The following PDE3B variants were observed in gnomAD, a reference collection of about 807,000 sequenced individuals.
The protein encoded by PDE3B is phosphodiesterase 3B, also known as cGMP-inhibited 3',5'-cyclic phosphodiesterase 3B.
Under a neutral mutation model 116.8 loss-of-function variants are expected in PDE3B, and 66 were observed. That is an observed-to-expected ratio of 0.56 (90% CI 0.46 to 0.69). PDE3B has a LOEUF of 0.69. Ranked by LOEUF, PDE3B falls within the 30% of genes least tolerant of loss-of-function variation. The pLI is 0.00. For synonymous variants in PDE3B, 595 were observed against 533.6 expected, an observed-to-expected ratio of 1.12 and a Z score of -1.59; for missense variants, 1,384 against 1,368.1, an observed-to-expected ratio of 1.01 and a Z score of -0.18.
intron 1 of PDE3B, among the ~76,000 whole-genome samples, chr11:14,734,997 G>T (rs1356608776): frequency 1.3e-5 from 2 of 152,008 alleles, no homozygotes; most frequent in African/African-American, 4.8e-5. Context: ...ATTGCATGCG[G>T]TTATGTCTCT....
the PDE3B span, chr11:14,877,893 G>T: frequency 5.9e-6 from 3 of 512,718 alleles, no homozygotes; most frequent in Non-Finnish European, 1.0e-5. Context: ...CCCATCATTT[G>T]CACCTTTGTG....
intron 1 of PDE3B, among the ~76,000 whole-genome samples, chr11:14,645,522 T>G (rs1184293349): frequency 6.6e-6 from 1 of 152,246 alleles, no homozygotes; most frequent in Non-Finnish European, 1.5e-5. Context: ...ATCAGTGTGG[T>G]TTCGTTATTG....
chr11:14,891,690 G>T, the PDE3B span: 1 of 1,202,112 alleles, frequency 8.3e-7, no homozygotes, highest in South Asian at 2.2e-5. Context: ...AAACGGCGCA[G>T]GCGCAGGAGC....
intron 12 of PDE3B, among the ~76,000 whole-genome samples, chr11:14,849,184 A>C (rs1464177928): frequency 1.0e-3 from 143 of 143,614 alleles, no homozygotes; most frequent in South Asian, 2.5e-3. Flanking sequence ...ATAACGCTGC[A>C]TATCTACAAC....
the PDE3B span, chr11:14,879,348 G>A: frequency 1.2e-6 from 2 of 1,612,338 alleles, no homozygotes; most frequent in Non-Finnish European, 1.7e-6. Context: ...AAAACTTCAT[G>A]CAAAACTGCC....
At chr11:14,678,119 G>T (rs1475392311) in intron 1 of PDE3B, among the ~76,000 whole-genome samples, 2 of 152,046 alleles carry the variant, frequency 1.3e-5, no homozygotes, top group Non-Finnish European at 1.5e-5. Context: ...AGTAGAGATG[G>T]GGCTTTGCCA....
the PDE3B span, chr11:14,878,040 A>C: frequency 4.1e-6 from 6 of 1,454,794 alleles, no homozygotes; most frequent in South Asian, 7.3e-5. Flanking sequence ...CTTTTATTCT[A>C]ATACACACAT....
intron 7 of PDE3B, among the ~76,000 whole-genome samples, chr11:14,828,422 C>T (rs1183868780): frequency 6.6e-6 from 1 of 152,134 alleles, no homozygotes; most frequent in Non-Finnish European, 1.5e-5. Flanking sequence ...AACTATGCAT[C>T]TGATAAAGGC....
chr11:14,644,585 G>A lies in PDE3B; in HGVS notation c.510G>A (p.Gln170=), dbSNP rs907488337. 14 of 1,580,666 alleles carry A rather than the reference G, an allele frequency of 8.9e-6. No homozygotes were observed. The highest frequency in any genetic ancestry group is 4.6e-5 in the South Asian group (4 of 87,170). The change falls in exon 1 of 16, where the codon CAG becomes CAA. Residue 170 remains glutamine (Q), a synonymous_variant. Coordinates refer to ENST00000282096, the MANE Select transcript of PDE3B (RefSeq NM_000922.4). ...CCYLGDFLVW[Q]WWSWPWGDGD... is the part of the protein sequence containing the mutation. Reference sequence around the variant, plus strand: ...ACCTGGGGGACTTCTTGGTGTGGCAGTGGTGGTCTTGGCCTTGGGGGGATG... The same window carrying A: ...ACCTGGGGGACTTCTTGGTGTGGCAATGGTGGTCTTGGCCTTGGGGGGATG...
rs768898277 is a variant in PDE3B at position 14,832,792 on chromosome 11, A to C, written c.2165A>C (p.Asn722Thr). Reference sequence around the variant, plus strand: ...AAAATTCCCACTCAACAATTTATGAACTATTTTCGTGCATTAGAAAATGGC... The same window carrying C: ...AAAATTCCCACTCAACAATTTATGACCTATTTTCGTGCATTAGAAAATGGC... ...IFKIPTQQFMNYFRALENGYR... is the reference protein window; with the variant it reads ...IFKIPTQQFMTYFRALENGYR... Residue 722 changes from asparagine (N) to threonine (T), a missense_variant, in exon 10 of 16, where the codon AAC (asparagine) becomes ACC (threonine). By Grantham distance (65) the Asn-to-Thr change is moderately conservative. Transcript: ENST00000282096. The C allele has an allele frequency of 2.6e-6, 4 of 1,541,334 alleles. No individual in the cohort carries two copies.
intron 5 of PDE3B, among the ~76,000 whole-genome samples, chr11:14,811,209 T>A (rs1362228000): frequency 6.6e-6 from 1 of 152,078 alleles, no homozygotes; most frequent in Non-Finnish European, 1.5e-5. Context: ...TTTGTTGCCA[T>A]TGCTTTTGGT....
chr11:14,709,752 G>GT (rs1265612277), intron 1 of PDE3B, among the ~76,000 whole-genome samples: 2 of 151,940 alleles, frequency 1.3e-5, no homozygotes, highest in Admixed American at 6.6e-5. Context: ...ACTCTTATAC[G>GT]TTTTTTGTCA....
At chr11:14,893,094 C>T in the PDE3B span, among the ~76,000 whole-genome samples, 1 of 152,178 alleles carries the variant, frequency 6.6e-6, no homozygotes, top group African/African-American at 2.4e-5. Flanking sequence ...GTTTTATGGT[C>T]CTCATTAGCT....
At chr11:14,687,159 G>A (rs1229039237) in intron 1 of PDE3B, among the ~76,000 whole-genome samples, 6 of 152,096 alleles carry the variant, frequency 3.9e-5, no homozygotes, top group Admixed American at 6.5e-5. Flanking sequence ...TGAATTAGCC[G>A]AACAATTTGA....
chr11:14,823,572 G>C (rs1859587451), intron 7 of PDE3B, among the ~76,000 whole-genome samples: 1 of 152,026 alleles, frequency 6.6e-6, no homozygotes, highest in African/African-American at 2.4e-5. Flanking sequence ...TCCTCACTGG[G>C]TGGGACCTCC....
In PDE3B at chr11:14,869,416, A is replaced by C; in HGVS notation, c.3140-45A>C. 2.0e-6 allele frequency: 3 copies of C among 1,532,870 alleles called. No individual in the cohort carries two copies. In the South Asian group the frequency reaches 3.5e-5, roughly 18 times the overall value. 95.0% of individuals were successfully genotyped at this position (1,532,870 alleles called of 1,614,324 possible). A position where few individuals can be genotyped will look rare whatever the true frequency, so the allele number is the denominator to read the frequency against. The stretch of plus-strand genomic sequence containing the variant: ...GCACTTAATATTTGTTGAATGATTA[A>C]ATCATATTGCTATGATTAGAATATA... On this transcript the variant is annotated intron_variant, in intron 15 of 15. Coordinates refer to ENST00000282096, the MANE Select transcript of PDE3B (RefSeq NM_000922.4).
intron 12 of PDE3B, among the ~76,000 whole-genome samples, chr11:14,847,828 A>T (rs964203641): frequency 1.3e-5 from 2 of 152,180 alleles, no homozygotes; most frequent in Non-Finnish European, 2.9e-5. Flanking sequence ...ACAGGCTCTG[A>T]AATTGTGGCA....
In PDE3B at chr11:14,869,768, C is replaced by T. The variant is rs1352085162; in HGVS notation, c.*108C>T. The T allele has an allele frequency of 1.2e-6, 1 of 845,302 alleles. No individual in the cohort carries two copies. The highest frequency in any genetic ancestry group is 1.9e-6 in the Non-Finnish European group (1 of 538,832). The allele number at this position is 845,302 out of a possible 1,614,324, so 52.4% of individuals were successfully genotyped here. On this transcript the variant is annotated 3_prime_UTR_variant, in exon 16 of 16. Coordinates refer to ENST00000282096, the MANE Select transcript of PDE3B (RefSeq NM_000922.4). ...CCGGCTGACTCTCAACTGACCATTC[C>T]CATGTGGACAGGCCTTAATACTGTG... is the stretch of plus-strand genomic sequence containing the variant.
chr11:14,671,446 G>A (rs1451718888), intron 1 of PDE3B, among the ~76,000 whole-genome samples: 1 of 152,120 alleles, frequency 6.6e-6, no homozygotes, highest in African/African-American at 2.4e-5. Context: ...GCTAGAGAGT[G>A]GTGGGAGTGG....
Sources: gnomAD v4.1 joint callset for allele counts (sites outside exome capture counted in the v4.1 genomes callset) on GRCh38, gnomAD v4.1.1 for gene constraint, MANE v1.5 for transcripts, NCBI Gene and HGNC (gene_info 2026-07-23, HGNC 2026-07-21) for gene names.